Variants in ANGPT2 observed in about 807,000 individuals in gnomAD.
ANGPT2 encodes angiopoietin-2.
ANGPT2 carries 28 observed loss-of-function variants against 62.9 expected under a neutral mutation model. That is an observed-to-expected ratio of 0.44 (90% CI 0.33 to 0.61). ANGPT2 has a LOEUF of 0.61. Ranked by LOEUF, ANGPT2 falls within the 20% of genes least tolerant of loss-of-function variation. The probability of loss-of-function intolerance (pLI) is 0.03; values close to 1 mark genes in which losing one functional copy is unlikely to be tolerated. For missense variants in ANGPT2, 727 were observed against 594.9 expected (o/e 1.22, Z -2.31); for synonymous variants, 284 against 207.8 (o/e 1.37, Z -3.15).
At chr8:6,525,406 T>C (rs190498041) in intron 3 of ANGPT2, among the ~76,000 whole-genome samples, 5 of 151,066 alleles carry the variant, frequency 3.3e-5, no homozygotes, top group African/African-American at 1.2e-4. Context: ...ATTTTTGTAT[T>C]TTTTGTAAAA....
At chr8:6,524,914 A>C (rs570344195) in intron 3 of ANGPT2, among the ~76,000 whole-genome samples, 4 of 152,292 alleles carry the variant, frequency 2.6e-5, no homozygotes, top group African/African-American at 9.6e-5. Flanking sequence ...TGGGAATCCC[A>C]CCTCTGCACA....
intron 1 of ANGPT2, among the ~76,000 whole-genome samples, chr8:6,537,062 C>G (rs1197338653): frequency 2.0e-5 from 3 of 151,992 alleles, no homozygotes; most frequent in Non-Finnish European, 2.9e-5. Context: ...TGTTTCCCAT[C>G]CCTGTCATCT....
intron 7 of ANGPT2, among the ~76,000 whole-genome samples, 190 bp downstream of exon 7, chr8:6,513,488 A>C (rs1251677778): frequency 2.0e-5 from 3 of 151,662 alleles, no homozygotes; most frequent in Non-Finnish European, 4.4e-5. Context: ...GCCCACCACC[A>C]CACCTGGCTA....
rs567951128 is a variant in ANGPT2, at chr8:6,500,342, C to G, written c.*2759G>C. Reference sequence around the variant, plus strand: ...ATATTTTTATGGCTTTCCTAAATTCCACTTCAACTTTCAAATGCTTCATTG... The same window carrying G: ...ATATTTTTATGGCTTTCCTAAATTCGACTTCAACTTTCAAATGCTTCATTG... On this transcript the variant is annotated 3_prime_UTR_variant, in exon 9 of 9. Transcript: ENST00000629816. The G allele has an allele frequency of 5.5e-4, 89 of 161,440 alleles. No homozygotes were observed. The highest frequency in any genetic ancestry group is 9.4e-4 in the Non-Finnish European group (69 of 73,330). The allele number at this position is 161,440 out of a possible 1,614,324, so 10.0% of individuals were successfully genotyped here. A position where few individuals can be genotyped will look rare whatever the true frequency, so the allele number is the denominator to read the frequency against.
chr8:6,532,705 A>G (rs890943505), intron 1 of ANGPT2, among the ~76,000 whole-genome samples: 1 of 152,036 alleles, frequency 6.6e-6, no homozygotes, highest in East Asian at 1.9e-4. Flanking sequence ...ACTTAGTCAC[A>G]TCATGTAAAG....
At chr8:6,506,974 T>A (rs1161327692) in intron 8 of ANGPT2, among the ~76,000 whole-genome samples, 1 of 152,136 alleles carries the variant, frequency 6.6e-6, no homozygotes, top group Non-Finnish European at 1.5e-5. Flanking sequence ...CTCGGCTCAT[T>A]GCAAACTCTG....
intron 1 of ANGPT2, among the ~76,000 whole-genome samples, chr8:6,533,592 T>A (rs1009857436): frequency 1.3e-5 from 2 of 148,390 alleles, no homozygotes; most frequent in African/African-American, 2.5e-5. Flanking sequence ...TTTTTTTTTT[T>A]AAATAATCTA....
intron 1 of ANGPT2, among the ~76,000 whole-genome samples, chr8:6,561,963 G>T (rs887590249): frequency 6.6e-6 from 1 of 152,120 alleles, no homozygotes; most frequent in African/African-American, 2.4e-5. Flanking sequence ...ACGTGGGGAC[G>T]CATTCCGCAC....
chr8:6,548,359 A>G (rs961843172), intron 1 of ANGPT2, among the ~76,000 whole-genome samples: 3 of 152,202 alleles, frequency 2.0e-5, no homozygotes, highest in Admixed American at 6.5e-5. Flanking sequence ...TTCATGGGCA[A>G]GTCCATGCTA....
At chr8:6,536,706 G>A (rs1401462968) in intron 1 of ANGPT2, among the ~76,000 whole-genome samples, 1 of 152,122 alleles carries the variant, frequency 6.6e-6, no homozygotes, top group Non-Finnish European at 1.5e-5. Flanking sequence ...ATTTAATGTA[G>A]CCTTTCCATA....
At chr8:6,526,048 G>T (rs781268487) in intron 3 of ANGPT2, among the ~76,000 whole-genome samples, 29 of 152,052 alleles carry the variant, frequency 1.9e-4, no homozygotes, top group Admixed American at 7.9e-4. Flanking sequence ...ACAGGCAAGA[G>T]AAAAGTAATC....
At chr8:6,558,504 T>C (rs998861257) in intron 1 of ANGPT2, among the ~76,000 whole-genome samples, 2 of 152,222 alleles carry the variant, frequency 1.3e-5, no homozygotes, top group African/African-American at 4.8e-5. Flanking sequence ...TCACCAATGG[T>C]AAGACCATTA....
chr8:6,523,643 G>C (rs1198538449), intron 3 of ANGPT2, among the ~76,000 whole-genome samples: 1 of 152,120 alleles, frequency 6.6e-6, no homozygotes, highest in Non-Finnish European at 1.5e-5. Flanking sequence ...GGGCTGTTGT[G>C]CAGTGGCGCG....
At position 6,501,102 on chromosome 8, in the gene ANGPT2, G is replaced by C. The variant is rs1484331683; in HGVS notation, c.*1999C>G. Reference sequence around the variant, plus strand: ...CCTTCTTAAATATAAAGTAGATACAGTTCTAAGATAGGGAGGTTCTTAACT... The same window carrying C: ...CCTTCTTAAATATAAAGTAGATACACTTCTAAGATAGGGAGGTTCTTAACT... On this transcript the variant is annotated 3_prime_UTR_variant, in exon 9 of 9. Coordinates refer to ENST00000629816, the MANE Select transcript of ANGPT2 (RefSeq NM_001118887.2). 6.6e-6 allele frequency: 1 copy of C among 152,204 alleles called. No homozygotes were observed. The highest frequency in any genetic ancestry group is 1.9e-4 in the East Asian group (1 of 5,202). 9.4% of individuals were successfully genotyped at this position (152,204 alleles called of 1,614,324 possible).
chr8:6,506,079 T>C (rs1813672616), intron 8 of ANGPT2, among the ~76,000 whole-genome samples: 1 of 150,714 alleles, frequency 6.6e-6, no homozygotes, highest in Non-Finnish European at 1.5e-5. Context: ...ATTGGTTTGT[T>C]ATTTCATCCA....
At chr8:6,514,191 T>G (rs1023566279) in intron 6 of ANGPT2, among the ~76,000 whole-genome samples, 2 of 152,118 alleles carry the variant, frequency 1.3e-5, no homozygotes, top group Non-Finnish European at 2.9e-5. Context: ...ATAAGCTAAG[T>G]AGTGGCAGCC....
chr8:6,514,751 C>T lies in ANGPT2; in HGVS notation c.955G>A (p.Gly319Ser). ...KAYCDMEAGG[G>S]GWTIIQRRED... ...CGTCGCTGAATAATTGTCCACCCGC[C>T]TCCTCCAGCTTCCATGTCACAGTAG... Residue 319 changes from glycine to serine, a missense_variant, in exon 6 of 9, where the codon GGC becomes AGC. Coordinates refer to ENST00000629816, the MANE Select transcript of ANGPT2 (RefSeq NM_001118887.2). 1 of 1,614,074 alleles carries T rather than the reference C, an allele frequency of 6.2e-7. No individual in the cohort carries two copies. Among genetic ancestry groups the T allele is most frequent in the Non-Finnish European group, 8.5e-7 (1 of 1,180,010 alleles).
chr8:6,532,539 T>G, intron 1 of ANGPT2, 52 bp from the exon 2 acceptor site: 1 of 1,409,976 alleles, frequency 7.1e-7, no homozygotes. Flanking sequence ...ACCGGAAACC[T>G]GATTCCTAAA....
chr8:6,539,008 C>A (rs1821011623), intron 1 of ANGPT2, among the ~76,000 whole-genome samples: 1 of 146,938 alleles, frequency 6.8e-6, no homozygotes, highest in Non-Finnish European at 1.5e-5. Context: ...GGCTCTCCTC[C>A]CCCTCCTTTT....
Sources: gnomAD v4.1 joint callset for allele counts (sites outside exome capture counted in the v4.1 genomes callset) on GRCh38, gnomAD v4.1.1 for gene constraint, MANE v1.5 for transcripts, NCBI Gene and HGNC (gene_info 2026-07-23, HGNC 2026-07-21) for gene names.